HAGH: variants seen among roughly 807,000 people sequenced by gnomAD.
HAGH encodes hydroxyacylglutathione hydrolase.
HAGH carries 29 observed loss-of-function variants against 35.1 expected under a neutral mutation model. The observed-to-expected ratio is 0.83, with a 90% CI of 0.62 to 1.13. The LOEUF (loss-of-function observed/expected upper bound fraction) is 1.13. HAGH is among the 50% of genes most tolerant of loss of function. The pLI is 0.00. For missense variants in HAGH, 478 were observed against 419.6 expected (o/e 1.14, Z -1.22); for synonymous variants, 225 against 176.1 (o/e 1.28, Z -2.20).
In HAGH at chr16:1,822,609, C is replaced by T. The variant is rs1478932159; in HGVS notation, c.250-245G>A. On this transcript the variant is annotated intron_variant, in intron 2 of 8. Transcript: ENST00000397356. ...CAAGCCCCTCCAGCTCTGAGGGCAC[C>T]ACCCCCAGAGGCAGCATGCAGGGGC... Among the ~76,000 whole-genome samples the T allele has an allele frequency of 3.9e-5, 6 of 152,278 alleles. No homozygotes were observed. In the East Asian group the frequency reaches 7.7e-4, roughly 20 times the overall value.
chr16:1,819,955 C>A lies in HAGH; in HGVS notation c.374G>T (p.Gly125Val). ...VKLESGLKVY[G>V]GDDRIGALTH... ...CAGGGCCCCGATACGGTCGTCACCC[C>A]CGTACACCTTCAGTCCCGACTCCAG... Residue 125 changes from glycine to valine, a missense_variant, in exon 4 of 9, where the codon GGG (glycine) becomes GTG (valine). Physicochemically the swap from Gly to Val is moderately radical, Grantham distance 109 (BLOSUM62 -3). Transcript: ENST00000397356. 1.2e-6 allele frequency: 2 copies of A among 1,613,672 alleles called. No homozygotes were observed. The highest frequency in any genetic ancestry group is 1.7e-6 in the Non-Finnish European group (2 of 1,179,862).
chr16:1,819,340 T>C, intron 4 of HAGH, 117 bp from the exon 5 acceptor site: 1 of 643,580 alleles, frequency 1.6e-6, no homozygotes, highest in Non-Finnish European at 2.7e-6. Context: ...GAAATGCCCG[T>C]GAAGGTGGGG....
rs1473183717 is a variant in HAGH at position 1,809,735 on chromosome 16, C to T, written c.827+19G>A. 6.3e-7 allele frequency: 1 copy of T among 1,580,386 alleles called. No individual in the cohort carries two copies. Among genetic ancestry groups the T allele is most frequent in the South Asian group, 1.1e-5 (1 of 90,404 alleles). ...CCAGAGGGGAGGGGCCCGCGCCCACCACCTGCCCTGGGCCTCACCTCACTC... is the reference window on the plus strand; with the variant it reads ...CCAGAGGGGAGGGGCCCGCGCCCACTACCTGCCCTGGGCCTCACCTCACTC... On this transcript the variant is annotated intron_variant, in intron 8 of 8. Coordinates refer to ENST00000397356, the MANE Select transcript of HAGH (RefSeq NM_005326.6).
Position 1,809,344 on chromosome 16 carries a change from G to C in HAGH, c.866C>G (p.Pro289Arg), listed in dbSNP as rs140613961. The stretch of plus-strand genomic sequence containing the variant: ...GCGCACGGCCCGCATGGTGGTCACC[G>C]GGTCCGTCTCACCTGCGTGCTGCTG... The part of the protein sequence containing the change: ...TVQQHAGETD[P>R]VTTMRAVRRE... Residue 289 changes from proline to arginine, a missense_variant, in exon 9 of 9, where the codon CCG becomes CGG. By Grantham distance (103) the Pro-to-Arg change is moderately radical. Transcript: ENST00000397356. 2 of 1,613,228 alleles carry C rather than the reference G, an allele frequency of 1.2e-6. No homozygotes were observed. Among genetic ancestry groups the C allele is most frequent in the African/African-American group, 2.7e-5 (2 of 74,918 alleles).
intron 3 of HAGH, 26 bp from the exon 4 acceptor site, chr16:1,820,040 CTGCCTGCTGAGCTGAGG>C: frequency 2.0e-6 from 1 of 500,522 alleles, no homozygotes; most frequent in Non-Finnish European, 2.6e-6. Flanking sequence ...GAGACCTGGG[CTGCCTGCTGAGCTGAGG>C]GGGCTGCCTG....
intron 7 of HAGH, among the ~76,000 whole-genome samples, chr16:1,816,301 T>G (rs1019657017): frequency 6.6e-6 from 1 of 151,416 alleles, no homozygotes; most frequent in Non-Finnish European, 1.5e-5. Context: ...AATGTTAACC[T>G]CTACTCTAAG....
At chr16:1,819,431 G>A (rs951243931) in intron 4 of HAGH, among the ~76,000 whole-genome samples, 1 of 152,224 alleles carries the variant, frequency 6.6e-6, no homozygotes, top group Non-Finnish European at 1.5e-5. Flanking sequence ...TGGAACAAGA[G>A]CGTGTAAAAA....
At chr16:1,820,591 G>A (rs944542426) in intron 3 of HAGH, among the ~76,000 whole-genome samples, 1 of 152,180 alleles carries the variant, frequency 6.6e-6, no homozygotes, top group African/African-American at 2.4e-5. Context: ...GCAGGTGGAG[G>A]TGCCTCCTAC....
At chr16:1,821,199 G>A (rs1345187171) in intron 3 of HAGH, among the ~76,000 whole-genome samples, 5 of 152,170 alleles carry the variant, frequency 3.3e-5, no homozygotes, top group Admixed American at 6.5e-5. Flanking sequence ...GTCCCTGCAC[G>A]GACACCTCTG....
intron 7 of HAGH, 196 bp from the exon 8 acceptor site, chr16:1,810,029 G>C (rs1047110022): frequency 3.4e-6 from 2 of 583,234 alleles, no homozygotes; most frequent in Non-Finnish European, 3.1e-6. Flanking sequence ...GCCAGGCATG[G>C]TGGCAGGCAC....
rs149582095 is a variant in HAGH, at chr16:1,816,923, G to T, written c.717C>A (p.Ala239=). The change falls in exon 7 of 9, where the codon GCC becomes GCA. Residue 239 remains alanine (A), a synonymous_variant. Transcript: ENST00000397356. ...KFARHVEPGN[A]AIREKLAWAK... ...CCCAGGCCAGCTTCTCCCGGATGGC[G>T]GCATTGCCGGGCTCCACGTGGCGTG... 6.2e-7 allele frequency: 1 copy of T among 1,613,428 alleles called. No homozygotes were observed. Among genetic ancestry groups the T allele is most frequent in the Admixed American group, 1.7e-5 (1 of 60,034 alleles).
At chr16:1,809,957 A>T in intron 7 of HAGH, 124 bp from the exon 8 acceptor site, 1 of 710,774 alleles carries the variant, frequency 1.4e-6, no homozygotes, top group Non-Finnish European at 2.5e-6. Context: ...TGAGCCCTGG[A>T]GTTTGAGACC....
chr16:1,823,786 T>C (rs1898269060), intron 1 of HAGH, among the ~76,000 whole-genome samples: 1 of 139,666 alleles, frequency 7.2e-6, no homozygotes, highest in African/African-American at 2.6e-5. Context: ...AATATCTTCA[T>C]ATATCCCTGA....
Position 1,809,366 on chromosome 16 carries a change from G to T in HAGH, c.844C>A (p.Gln282Lys), listed in dbSNP as rs1469197710. The change falls in exon 9 of 9, where the codon CAG (glutamine) becomes AAG (lysine). Residue 282 changes from glutamine to lysine, a missense_variant. Physicochemically the swap from Gln to Lys is moderately conservative, Grantham distance 53 (BLOSUM62 1). Transcript: ENST00000397356. The stretch of plus-strand genomic sequence containing the variant: ...ACCGGGTCCGTCTCACCTGCGTGCT[G>T]CTGCACCGTCTTCTCCCTGCGGAGG... Reference protein sequence around the residue: ...FMRVREKTVQQHAGETDPVTT... With the variant: ...FMRVREKTVQKHAGETDPVTT... 6 of 1,611,712 alleles carry T rather than the reference G, an allele frequency of 3.7e-6. No homozygotes were observed. The highest frequency in any genetic ancestry group is 3.4e-6 in the Non-Finnish European group (4 of 1,179,750).
chr16:1,810,001 TA>T (rs1349540179), intron 7 of HAGH, 168 bp from the exon 8 acceptor site: 7 of 604,352 alleles, frequency 1.2e-5, no homozygotes, highest in Admixed American at 5.6e-5. Context: ...CTGTGTCTAC[TA>T]AAAATACAAA....
chr16:1,813,560 C>T (rs1416287827), intron 7 of HAGH, among the ~76,000 whole-genome samples: 1 of 152,162 alleles, frequency 6.6e-6, no homozygotes, highest in Non-Finnish European at 1.5e-5. Flanking sequence ...ACGCAAATTT[C>T]AAAACACTGC....
intron 7 of HAGH, 34 bp downstream of exon 7, chr16:1,816,859 C>T (rs370125757): frequency 1.2e-5 from 17 of 1,368,540 alleles, no homozygotes; most frequent in Non-Finnish European, 1.4e-5. Flanking sequence ...GAGCAGCCCA[C>T]AGGAAGGCAC....
chr16:1,815,759 C>T (rs1897861674), intron 7 of HAGH, among the ~76,000 whole-genome samples: 1 of 152,096 alleles, frequency 6.6e-6, no homozygotes, highest in African/African-American at 2.4e-5. Flanking sequence ...TGGCTCACGC[C>T]TGTAATCTCA....
At chr16:1,826,967 CA>C (rs1422436296), upstream of HAGH, 2 of 615,730 alleles carry the variant, frequency 3.2e-6, no homozygotes, top group African/African-American at 3.9e-5. Context: ...CCCCGACTGC[CA>C]CGGGCCGGGA....
Sources: allele counts gnomAD v4.1 joint callset (sites outside exome capture counted in the v4.1 genomes callset), GRCh38; gene constraint gnomAD v4.1.1; transcripts MANE v1.5; gene names NCBI Gene and HGNC (gene_info 2026-07-23, HGNC 2026-07-21).